DOCK2: variants seen among roughly 807,000 people sequenced by gnomAD.
The protein encoded by DOCK2 is dedicator of cytokinesis 2, also known as dedicator of cytokinesis protein 2.
Under a neutral mutation model 248.9 loss-of-function variants are expected in DOCK2, and 87 were observed. The ratio of observed to expected loss-of-function variants is 0.35; its 90% CI spans 0.29 to 0.42. DOCK2 has a LOEUF of 0.42. Among genes scored for constraint, DOCK2 ranks in the 10% least tolerant of loss-of-function variants. The pLI, the probability that DOCK2 is intolerant of heterozygous loss-of-function variation, is 1.00. For synonymous variants in DOCK2, 805 were observed against 821.6 expected, an observed-to-expected ratio of 0.98 and a Z score of 0.35; for missense variants, 1,747 against 2,300.2, an observed-to-expected ratio of 0.76 and a Z score of 4.92.
intron 41 of DOCK2, among the ~76,000 whole-genome samples, chr5:170,052,776 T>C (rs1297870914): frequency 6.6e-6 from 1 of 152,216 alleles, no homozygotes; most frequent in Non-Finnish European, 1.5e-5. Context: ...GCATTGTTGT[T>C]TTACCCTCCA....
chr5:169,655,174 C>A (rs1374958562), intron 2 of DOCK2, among the ~76,000 whole-genome samples: 2 of 152,218 alleles, frequency 1.3e-5, no homozygotes, highest in East Asian at 3.8e-4. Flanking sequence ...GGCATGAGAA[C>A]CAAATGAGCT....
At chr5:169,645,095 G>A (rs264871) in intron 1 of DOCK2, among the ~76,000 whole-genome samples, 90,294 of 152,006 alleles carry the variant, frequency 0.59, 26,851 homozygotes, top group East Asian at 0.64. Context: ...ATAGTGCTGC[G>A]ATAAACATAC....
chr5:169,944,448 G>A (rs1351834382), intron 27 of DOCK2, among the ~76,000 whole-genome samples: 3 of 152,220 alleles, frequency 2.0e-5, no homozygotes, highest in Non-Finnish European at 4.4e-5. Context: ...CGTGACTCTG[G>A]AGAGATGCTG....
intron 25 of DOCK2, among the ~76,000 whole-genome samples, chr5:169,778,589 T>G (rs1338013283): frequency 6.6e-6 from 1 of 152,232 alleles, no homozygotes; most frequent in Non-Finnish European, 1.5e-5. Context: ...AAAATGAGAC[T>G]GATAAACAGT....
intron 27 of DOCK2, chr5:169,980,436 G>T (rs111505868): frequency 6.6e-6 from 1 of 152,034 alleles, no homozygotes. Flanking sequence ...GTCTGCTCAC[G>T]TAGGAATAAA....
chr5:169,865,012 C>G (rs138938074), intron 27 of DOCK2, among the ~76,000 whole-genome samples: 67 of 152,332 alleles, frequency 4.4e-4, no homozygotes, highest in Non-Finnish European at 7.5e-4. Flanking sequence ...CTATCATCAT[C>G]ATCATTAACA....
chr5:169,858,846 A>G (rs1360334470), intron 27 of DOCK2, among the ~76,000 whole-genome samples: 1 of 151,992 alleles, frequency 6.6e-6, no homozygotes, highest in Non-Finnish European at 1.5e-5. Flanking sequence ...TACAGAAAAT[A>G]ATTATTTTAA....
chr5:169,984,423 T>A (rs1373982977), intron 28 of DOCK2, among the ~76,000 whole-genome samples: 4 of 152,166 alleles, frequency 2.6e-5, no homozygotes, highest in Middle Eastern at 3.2e-3. Flanking sequence ...GTACTAAGCA[T>A]GTGATAGGCA....
intron 26 of DOCK2, among the ~76,000 whole-genome samples, chr5:169,804,475 T>C (rs1383191220): frequency 5.4e-5 from 4 of 74,094 alleles, no homozygotes; most frequent in African/African-American, 1.3e-4. Flanking sequence ...TGTGTGTGTG[T>C]GTGTGTGTGT....
At chr5:169,801,156 T>G (rs1389825509) in intron 25 of DOCK2, among the ~76,000 whole-genome samples, 24,929 of 116,070 alleles carry the variant, frequency 0.21, 4,224 homozygotes, top group African/African-American at 0.45. Context: ...GTTTTTTTTT[T>G]TTTTTTTTTT....
intron 27 of DOCK2, among the ~76,000 whole-genome samples, chr5:169,892,275 C>T (rs1322601584): frequency 6.6e-6 from 1 of 152,190 alleles, no homozygotes; most frequent in East Asian, 1.9e-4. Flanking sequence ...GAAACTGAGA[C>T]TCTGAGCAGC....
In DOCK2 at chr5:169,714,116, G is replaced by T. The variant is rs754423163; in HGVS notation, c.1748G>T (p.Ser583Ile). ...GTGGAAAACAAGGGGGCCACGCTGA[G>T]CAGGAGCTCCAGCAGTGTTGGGGGG... ...HHVENKGATL[S>I]RSSSSVGGLS... Residue 583 changes from serine to isoleucine, a missense_variant, in exon 18 of 52, where the codon AGC becomes ATC. This residue lies in a region of DOCK2 where 858 missense variants were observed against 1,183.5 expected (regional missense o/e 0.72). Transcript: ENST00000520908. 20 of 1,613,798 alleles carry T rather than the reference G, an allele frequency of 1.2e-5. 1 individual carries two copies. The South Asian group carries it at 2.2e-4, about 18-fold the overall frequency.
chr5:170,032,292 C>G (rs1214511448), intron 34 of DOCK2, among the ~76,000 whole-genome samples: 2 of 152,130 alleles, frequency 1.3e-5, no homozygotes, highest in African/African-American at 4.8e-5. Flanking sequence ...TCCCAAAGTG[C>G]TGGGATTACA....
chr5:169,844,608 C>T (rs1019612643), intron 27 of DOCK2, among the ~76,000 whole-genome samples: 8 of 152,244 alleles, frequency 5.3e-5, no homozygotes, highest in African/African-American at 1.7e-4. Flanking sequence ...TGTTTACCCA[C>T]ATCCCCACCA....
At chr5:169,886,380 T>A (rs1000551425) in intron 27 of DOCK2, among the ~76,000 whole-genome samples, 1 of 152,234 alleles carries the variant, frequency 6.6e-6, no homozygotes, top group Non-Finnish European at 1.5e-5. Flanking sequence ...ATTGGTTCTA[T>A]GTTTCAATGA....
chr5:170,005,965 T>C (rs900171445), intron 30 of DOCK2, among the ~76,000 whole-genome samples: 1 of 152,228 alleles, frequency 6.6e-6, no homozygotes, highest in Non-Finnish European at 1.5e-5. Context: ...TGCTATCCCC[T>C]AAAATCAGAG....
intron 2 of DOCK2, among the ~76,000 whole-genome samples, chr5:169,661,411 C>T (rs1758440824): frequency 1.3e-5 from 2 of 152,064 alleles, no homozygotes; most frequent in South Asian, 2.1e-4. Flanking sequence ...AACAAATGAC[C>T]ATATCCATCA....
chr5:169,977,790 A>G (rs1777768714), intron 27 of DOCK2, among the ~76,000 whole-genome samples: 1 of 152,184 alleles, frequency 6.6e-6, no homozygotes, highest in Non-Finnish European at 1.5e-5. Context: ...CCCAATTACA[A>G]TTCTGAACTG....
chr5:169,710,022 A>C (rs1357845035), intron 15 of DOCK2, among the ~76,000 whole-genome samples: 1 of 152,226 alleles, frequency 6.6e-6, no homozygotes, highest in Non-Finnish European at 1.5e-5. Flanking sequence ...TGATGGATCA[A>C]TGTGATTGTG....
Sources: allele counts gnomAD v4.1 joint callset (sites outside exome capture counted in the v4.1 genomes callset), GRCh38; gene constraint gnomAD v4.1.1; regional missense constraint gnomAD v4.1.1; transcripts MANE v1.5; gene names NCBI Gene and HGNC (gene_info 2026-07-23, HGNC 2026-07-21).